Variants in FXR1 observed in about 807,000 individuals in gnomAD.
The protein encoded by FXR1 is FMR1 autosomal homolog 1.
FXR1 carries 15 observed loss-of-function variants against 84.0 expected under a neutral mutation model. That is an observed-to-expected ratio of 0.18 (90% CI 0.12 to 0.27). The LOEUF is 0.27. FXR1 is among the 10% of genes least tolerant of loss of function. The pLI, the probability that FXR1 is intolerant of heterozygous loss-of-function variation, is 1.00. For synonymous variants in FXR1, 245 were observed against 250.7 expected, an observed-to-expected ratio of 0.98 and a Z score of 0.21; for missense variants, 480 against 774.4, an observed-to-expected ratio of 0.62 and a Z score of 4.51.
chr3:180,934,918 G>C (rs1287577401), intron 2 of FXR1, among the ~76,000 whole-genome samples: 2 of 152,104 alleles, frequency 1.3e-5, no homozygotes, highest in Non-Finnish European at 2.9e-5. Flanking sequence ...GGGAGGTAAT[G>C]TACAATTGTT....
At chr3:180,958,535 C>T (rs1379209205) in intron 10 of FXR1, among the ~76,000 whole-genome samples, 1 of 152,120 alleles carries the variant, frequency 6.6e-6, no homozygotes, top group East Asian at 1.9e-4. Context: ...TAATGGCCTC[C>T]ATCCAAGTTG....
intron 15 of FXR1, chr3:180,971,416 A>G (rs1393875155): frequency 6.5e-6 from 1 of 155,010 alleles, no homozygotes; most frequent in African/African-American, 2.4e-5. Flanking sequence ...TGAGAAGACC[A>G]TTTTGTTCAC....
At position 180,979,311 on chromosome 3, in the gene FXR1, G is replaced by A. The variant is rs1414692571; in HGVS notation, c.*3019G>A. The A allele has an allele frequency of 6.6e-6, 1 of 152,086 alleles. No homozygotes were observed. Among genetic ancestry groups the A allele is most frequent in the Non-Finnish European group, 1.5e-5 (1 of 67,962 alleles). The allele number at this position is 152,086 out of a possible 1,614,324, so 9.4% of individuals were successfully genotyped here. On this transcript the variant is annotated 3_prime_UTR_variant, in exon 17 of 17. Transcript: ENST00000357559. ...CAGATAAACATGGAAAACAGGCTAT[G>A]TCCAGGGACAGATGATTGGTGGTTA...
In FXR1 at chr3:180,914,361, A is replaced by AC. The variant is rs546601121; in HGVS notation, c.51+1631dup. Among the ~76,000 whole-genome samples the AC allele has an allele frequency of 3.0e-4, 46 of 151,702 alleles. No homozygotes were observed. In the East Asian group the frequency reaches 4.8e-3, roughly 16 times the overall value. ...AATTGTAGATAAGTCGTTTTGCATC[A>AC]CCCCCCACCCCTTTCCCGAAAAGTT... On this transcript the variant is annotated intron_variant, in intron 1 of 16. Transcript: ENST00000357559.
intron 8 of FXR1, among the ~76,000 whole-genome samples, chr3:180,951,851 C>T (rs183691029): frequency 1.3e-5 from 2 of 152,248 alleles, no homozygotes; most frequent in Non-Finnish European, 2.9e-5. Flanking sequence ...TTGTATAATA[C>T]TTCGTCACTG....
chr3:180,931,048 G>A lies in FXR1; in HGVS notation c.52-2286G>A, dbSNP rs892725187. ...CCTCAAAAAAAAAAAAAAAAAAAAA[G>A]ACGTGAATGTGCCCTACTAGAAATA... On this transcript the variant is annotated intron_variant, in intron 1 of 16. Transcript: ENST00000357559. Among the ~76,000 whole-genome samples the A allele has an allele frequency of 5.6e-3, 409 of 73,644 alleles. 2 individuals are homozygous for A. The highest frequency in any genetic ancestry group is 0.013 in the African/African-American group (202 of 15,260). The allele number at this position is 73,644 out of a possible 152,430, so 48.3% of individuals were successfully genotyped here. A position where few individuals can be genotyped will look rare whatever the true frequency, so the allele number is the denominator to read the frequency against.
chr3:180,978,447 A>C lies in FXR1; in HGVS notation c.*2155A>C, dbSNP rs955739598. 3 of 151,910 alleles carry C rather than the reference A, an allele frequency of 2.0e-5. No individual in the cohort carries two copies. Among genetic ancestry groups the C allele is most frequent in the Non-Finnish European group, 2.9e-5 (2 of 67,946 alleles). The allele number at this position is 151,910 out of a possible 1,614,324, so 9.4% of individuals were successfully genotyped here. A position where few individuals can be genotyped will look rare whatever the true frequency, so the allele number is the denominator to read the frequency against. ...CGCATTTGTTTTTTTAGAGAGCCCC[A>C]CTCCCCAAAGGGTAGCCATTAATTC... On this transcript the variant is annotated 3_prime_UTR_variant, in exon 17 of 17. Coordinates refer to ENST00000357559, the MANE Select transcript of FXR1 (RefSeq NM_005087.4).
At chr3:180,932,650 C>A (rs1720072338) in intron 1 of FXR1, among the ~76,000 whole-genome samples, 2 of 152,150 alleles carry the variant, frequency 1.3e-5, no homozygotes, top group Admixed American at 1.3e-4. Context: ...AATCTGTATT[C>A]ATTCCAACAT....
rs1453598211 is a variant in FXR1 at position 180,976,461 on chromosome 3, AC to A, written c.*170del. On this transcript the variant is annotated 3_prime_UTR_variant, in exon 17 of 17. Transcript: ENST00000357559. ...CCTGAAGAAATCATATGTTAAACAT[AC>A]TTTGACACCTACTGTGTTATAAAAT... 2.0e-6 allele frequency: 1 copy of A among 501,726 alleles called. No individual in the cohort carries two copies. Among genetic ancestry groups the A allele is most frequent in the East Asian group, 3.2e-5 (1 of 30,862 alleles). 31.1% of individuals were successfully genotyped at this position (501,726 alleles called of 1,614,324 possible). A position where few individuals can be genotyped will look rare whatever the true frequency, so the allele number is the denominator to read the frequency against.
chr3:180,923,914 C>T (rs985861391), intron 1 of FXR1, among the ~76,000 whole-genome samples: 2 of 152,010 alleles, frequency 1.3e-5, no homozygotes, highest in Non-Finnish European at 2.9e-5. Context: ...GCCTAGATAA[C>T]GATGATCACC....
chr3:180,914,364 C>T (rs1717626816), intron 1 of FXR1, among the ~76,000 whole-genome samples: 2 of 152,036 alleles, frequency 1.3e-5, no homozygotes, highest in African/African-American at 2.4e-5. Context: ...TTGCATCACC[C>T]CCCACCCCTT....
chr3:180,915,364 C>T, intron 1 of FXR1: 1 of 615,068 alleles, frequency 1.6e-6, no homozygotes, highest in South Asian at 2.2e-5. Flanking sequence ...ACCCCAGCTT[C>T]TAGAGTGTTT....
chr3:180,936,401 G>C (rs1166888634), intron 3 of FXR1, among the ~76,000 whole-genome samples: 1 of 152,066 alleles, frequency 6.6e-6, no homozygotes, highest in Non-Finnish European at 1.5e-5. Context: ...CTGAGTATCT[G>C]GGATTATAGG....
intron 3 of FXR1, among the ~76,000 whole-genome samples, chr3:180,943,961 G>C (rs1721413224): frequency 6.6e-6 from 1 of 151,908 alleles, no homozygotes; most frequent in South Asian, 2.1e-4. Context: ...TTGTTGCCTA[G>C]GCTGGAGGGC....
chr3:180,960,417 G>A (rs1378832253), intron 10 of FXR1, among the ~76,000 whole-genome samples: 2 of 152,264 alleles, frequency 1.3e-5, no homozygotes, highest in South Asian at 2.1e-4. Flanking sequence ...ACCTACTAAG[G>A]TGATGTATCT....
intron 1 of FXR1, among the ~76,000 whole-genome samples, chr3:180,918,624 T>C (rs1020638568): frequency 6.6e-6 from 1 of 152,218 alleles, no homozygotes; most frequent in African/African-American, 2.4e-5. Context: ...TGACCCCTAA[T>C]TCTTGTAATA....
intron 13 of FXR1, among the ~76,000 whole-genome samples, chr3:180,967,386 G>A (rs189752540): frequency 1.6e-4 from 25 of 152,130 alleles, no homozygotes; most frequent in Admixed American, 3.9e-4. Context: ...TAGAATCAAT[G>A]AAATTATGGT....
intron 8 of FXR1, 102 bp downstream of exon 8, chr3:180,951,570 G>A (rs1722234854): frequency 2.3e-6 from 2 of 854,722 alleles, no homozygotes; most frequent in Non-Finnish European, 3.6e-6. Flanking sequence ...CATTTTTGAG[G>A]TAGAATTTAT....
intron 3 of FXR1, among the ~76,000 whole-genome samples, chr3:180,936,093 T>C (rs1184229802): frequency 6.6e-6 from 1 of 151,880 alleles, no homozygotes; most frequent in African/African-American, 2.4e-5. Context: ...GCTTTCATGA[T>C]GTTGGCCAGG....
Sources: gnomAD v4.1 joint callset for allele counts (sites outside exome capture counted in the v4.1 genomes callset) on GRCh38, gnomAD v4.1.1 for gene constraint, MANE v1.5 for transcripts, NCBI Gene and HGNC (gene_info 2026-07-23, HGNC 2026-07-21) for gene names.